Variants in MSH3 observed in about 807,000 individuals in gnomAD.
The protein encoded by MSH3 is DNA mismatch repair protein Msh3.
MSH3 carries 106 observed loss-of-function variants against 123.3 expected under a neutral mutation model. That is an observed-to-expected ratio of 0.86 (90% CI 0.73 to 1.01). The LOEUF (loss-of-function observed/expected upper bound fraction) is 1.01. Among genes scored for constraint, MSH3 ranks in the 50% least tolerant of loss-of-function variants. MSH3 has a pLI of 0.00. For missense variants in MSH3, 1,459 were observed against 1,347.6 expected, an observed-to-expected ratio of 1.08 and a Z score of -1.29; for synonymous variants, 515 against 481.4, an observed-to-expected ratio of 1.07 and a Z score of -0.91.
In MSH3 at chr5:80,873,327, A is replaced by G. The variant is rs1580104538; in HGVS notation, c.3302+40A>G. 4.4e-6 allele frequency: 7 copies of G among 1,605,434 alleles called. No homozygotes were observed. The South Asian group carries it at 4.4e-5, about 10-fold the overall frequency. ...GCTGCATTTTTTCATTTGTAATGAAACCTTCTAAGTTGTCCAAGAAAGAGA... is the reference window on the plus strand; with the variant it reads ...GCTGCATTTTTTCATTTGTAATGAAGCCTTCTAAGTTGTCCAAGAAAGAGA... On this transcript the variant is annotated intron_variant, in intron 23 of 23. Transcript: ENST00000265081.
chr5:80,741,696 G>A (rs760048546), intron 11 of MSH3, 148 bp downstream of exon 11: 76 of 689,652 alleles, frequency 1.1e-4, no homozygotes, highest in Non-Finnish European at 1.9e-4. Flanking sequence ...TCTTTTTGGA[G>A]AATGAACTGT....
rs188816432 is a variant in MSH3 at position 80,659,413 on chromosome 5, C to G, written c.358+2882C>G. On this transcript the variant is annotated intron_variant, in intron 2 of 23. Coordinates refer to ENST00000265081, the MANE Select transcript of MSH3 (RefSeq NM_002439.5). ...ACAGCCACCTCCTGTTCTGCCCCAG[C>G]ACTCCCCAGCCCTAGGTAACCACTA... Among the ~76,000 whole-genome samples the G allele has an allele frequency of 2.0e-3, 312 of 152,290 alleles. 3 individuals are homozygous for G. The highest frequency in any genetic ancestry group is 3.0e-3 in the Non-Finnish European group (206 of 68,034).
At chr5:80,832,972 A>G (rs1014798499) in intron 20 of MSH3, among the ~76,000 whole-genome samples, 2 of 152,200 alleles carry the variant, frequency 1.3e-5, no homozygotes, top group African/African-American at 2.4e-5. Context: ...CCTGAGAGAC[A>G]TCTAGAATAT....
rs150924740 is a variant in MSH3, at chr5:80,820,950, G to C, written c.2813+7209G>C. Among the ~76,000 whole-genome samples the C allele has an allele frequency of 5.9e-3, 905 of 152,290 alleles. 7 individuals are homozygous for C. Among genetic ancestry groups the C allele is most frequent in the African/African-American group, 0.021 (853 of 41,540 alleles). On this transcript the variant is annotated intron_variant, in intron 20 of 23. Coordinates refer to ENST00000265081, the MANE Select transcript of MSH3 (RefSeq NM_002439.5). ...CTCAGTCTGGACTCTGGTCCCTAAA[G>C]TGGGAAGTCTCAGGCAAATCTGAGT... is the stretch of plus-strand genomic sequence containing the variant.
At chr5:80,846,622 C>A (rs1413440220) in intron 20 of MSH3, among the ~76,000 whole-genome samples, 4 of 152,184 alleles carry the variant, frequency 2.6e-5, no homozygotes, top group Admixed American at 2.0e-4. Context: ...TCAGCAATGG[C>A]AGATGCCCCT....
chr5:80,763,098 C>A (rs191341759), intron 13 of MSH3, among the ~76,000 whole-genome samples: 1 of 152,162 alleles, frequency 6.6e-6, no homozygotes, highest in Non-Finnish European at 1.5e-5. Flanking sequence ...CCACCCGCCT[C>A]GGCCTCCCAA....
intron 17 of MSH3, among the ~76,000 whole-genome samples, chr5:80,786,185 G>A (rs1744506626): frequency 1.3e-5 from 2 of 151,850 alleles, no homozygotes; most frequent in Non-Finnish European, 2.9e-5. Context: ...AAAAAAAGTA[G>A]GCACCTTATT....
intron 17 of MSH3, among the ~76,000 whole-genome samples, chr5:80,780,314 G>A (rs979149856): frequency 9.2e-5 from 14 of 152,226 alleles, no homozygotes; most frequent in Non-Finnish European, 1.9e-4. Context: ...ATAGGAACCA[G>A]CTCTAGACCA....
rs1276213792 is a variant in MSH3, at chr5:80,863,603, G to A, written c.3001-1210G>A. On this transcript the variant is annotated intron_variant, in intron 21 of 23. Coordinates refer to ENST00000265081, the MANE Select transcript of MSH3 (RefSeq NM_002439.5). ...GGAGAATGGCGTAAACCCGGGAGGC[G>A]GAGCTTGCAGTGAGCCAAGATCGTG... Among the ~76,000 whole-genome samples the A allele has an allele frequency of 1.4e-4, 22 of 151,760 alleles. 1 individual carries two copies. Among genetic ancestry groups the A allele is most frequent in the Admixed American group, 1.2e-3 (18 of 15,236 alleles).
In MSH3 at chr5:80,691,789, A is replaced by G. The variant is rs951378943; in HGVS notation, c.1340+12696A>G. Among the ~76,000 whole-genome samples, 7 of 70,240 alleles carry G rather than the reference A, an allele frequency of 1.0e-4. 2 individuals carry two copies. Among genetic ancestry groups the G allele is most frequent in the Non-Finnish European group, 1.8e-4 (6 of 34,256 alleles). 46.1% of individuals were successfully genotyped at this position (70,240 alleles called of 152,430 possible). ...TATATGTACATATATATGTTTATAT[A>G]TTTATATAAATATATCTAAATATAT... On this transcript the variant is annotated intron_variant, in intron 8 of 23. Coordinates refer to ENST00000265081, the MANE Select transcript of MSH3 (RefSeq NM_002439.5).
intron 8 of MSH3, among the ~76,000 whole-genome samples, chr5:80,692,054 GTA>G (rs1750282055): frequency 7.4e-6 from 1 of 135,964 alleles, no homozygotes; most frequent in South Asian, 2.3e-4. Flanking sequence ...AGATAAACAT[GTA>G]TATGTTTAGA....
intron 20 of MSH3, among the ~76,000 whole-genome samples, chr5:80,828,512 A>T (rs1218580727): frequency 6.6e-6 from 1 of 152,218 alleles, no homozygotes; most frequent in African/African-American, 2.4e-5. Flanking sequence ...TGTCCTTCTC[A>T]TATACAAATA....
chr5:80,770,929 C>T (rs1215913879), intron 15 of MSH3, among the ~76,000 whole-genome samples: 2 of 152,082 alleles, frequency 1.3e-5, no homozygotes, highest in East Asian at 3.8e-4. Context: ...AAAAGTACAG[C>T]ATGGAGATCA....
rs559545446 is a variant in MSH3 at position 80,655,568 on chromosome 5, T to G, written c.237+604T>G. ...ATGGAGTCCTTCCTGTTGCCATCCT[T>G]CAACGCAATAAGTACGTTTGTTTGT... On this transcript the variant is annotated intron_variant, in intron 1 of 23. Transcript: ENST00000265081. 65 of 188,110 alleles carry G rather than the reference T, an allele frequency of 3.5e-4. 1 individual carries two copies. The South Asian group carries it at 7.4e-3, about 21-fold the overall frequency. The allele number at this position is 188,110 out of a possible 1,614,324, so 11.7% of individuals were successfully genotyped here.
intron 4 of MSH3, among the ~76,000 whole-genome samples, chr5:80,671,753 A>G (rs1580551430): frequency 6.6e-6 from 1 of 152,208 alleles, no homozygotes; most frequent in Admixed American, 6.5e-5. Flanking sequence ...TCATGGTTCT[A>G]TATTTCTATC....
chr5:80,868,537 T>A (rs892449040), intron 22 of MSH3, among the ~76,000 whole-genome samples: 1 of 148,714 alleles, frequency 6.7e-6, no homozygotes, highest in African/African-American at 2.5e-5. Context: ...AAGTGTTGCA[T>A]GTTTCACTTA....
intron 10 of MSH3, among the ~76,000 whole-genome samples, chr5:80,732,968 T>C (rs1484860337): frequency 6.6e-6 from 1 of 152,180 alleles, no homozygotes; most frequent in Non-Finnish European, 1.5e-5. Context: ...GTCTCTAAGT[T>C]CAGTGCAATT....
intron 8 of MSH3, among the ~76,000 whole-genome samples, chr5:80,701,513 C>CA (rs936983027): frequency 6.6e-6 from 1 of 152,228 alleles, no homozygotes; most frequent in Admixed American, 6.5e-5. Context: ...AATCCCCCTT[C>CA]ACTGAACTCC....
chr5:80,785,843 G>A (rs1744496625), intron 17 of MSH3, among the ~76,000 whole-genome samples: 3 of 152,142 alleles, frequency 2.0e-5, no homozygotes. Context: ...CCTTTGTAGG[G>A]ACATGGATGA....
Sources: allele counts gnomAD v4.1 joint callset (sites outside exome capture counted in the v4.1 genomes callset), GRCh38; gene constraint gnomAD v4.1.1; transcripts MANE v1.5; gene names NCBI Gene and HGNC (gene_info 2026-07-23, HGNC 2026-07-21).